Variants in PKNOX1 observed in about 807,000 individuals in gnomAD.
PKNOX1 encodes PBX/knotted 1 homeobox 1, also known as homeobox protein PKNOX1.
PKNOX1 carries 15 observed loss-of-function variants against 51.9 expected under a neutral mutation model. The observed-to-expected ratio is 0.29, with a 90% confidence interval of 0.19 to 0.45. PKNOX1 has a LOEUF of 0.45. Among genes scored for constraint, PKNOX1 ranks in the 20% least tolerant of loss-of-function variants. PKNOX1 has a pLI of 1.00. For missense variants in PKNOX1, 462 were observed against 547.5 expected (o/e 0.84, Z 1.56); for synonymous variants, 219 against 211.1 (o/e 1.04, Z -0.32).
chr21:43,011,159 C>T (rs550520714), intron 4 of PKNOX1, among the ~76,000 whole-genome samples: 1 of 151,594 alleles, frequency 6.6e-6, no homozygotes, highest in East Asian at 2.0e-4. Flanking sequence ...GCTCCGCCTC[C>T]CAGGTTCAAG....
intron 1 of PKNOX1, among the ~76,000 whole-genome samples, chr21:42,987,296 C>T (rs2401151): frequency 0.89 from 131,334 of 146,822 alleles, 58,852 homozygotes; most frequent in Non-Finnish European, 0.91. Flanking sequence ...GCAGGAGAAT[C>T]GCTTGAACCT....
rs9325621 is a variant in PKNOX1 at position 43,030,260 on chromosome 21, A to AGT, written c.*191_*192dup. The AGT allele has an allele frequency of 2.7e-3, 1,236 of 457,668 alleles. No homozygotes were observed. Among genetic ancestry groups the AGT allele is most frequent in the East Asian group, 9.9e-3 (285 of 28,844 alleles). 28.4% of individuals were successfully genotyped at this position (457,668 alleles called of 1,614,324 possible). A position where few individuals can be genotyped will look rare whatever the true frequency, so the allele number is the denominator to read the frequency against. ...TTTGCCGGTGCAGCGACTTCTTTCA[A>AGT]GTGTGTGTGTGTGTGTGTGTGTGTG... On this transcript the variant is annotated 3_prime_UTR_variant, in exon 11 of 11. Coordinates refer to ENST00000291547, the MANE Select transcript of PKNOX1 (RefSeq NM_004571.5).
intron 9 of PKNOX1, among the ~76,000 whole-genome samples, chr21:43,025,274 T>A (rs573627038): frequency 1.2e-4 from 18 of 152,192 alleles, no homozygotes; most frequent in Admixed American, 5.2e-4. Context: ...CAATACCTCA[T>A]TATGGACTGC....
At chr21:42,980,126 G>A (rs1181862212) in intron 1 of PKNOX1, among the ~76,000 whole-genome samples, 2 of 152,028 alleles carry the variant, frequency 1.3e-5, no homozygotes, top group African/African-American at 4.8e-5. Context: ...TAATCCTAGC[G>A]CTTTGGGAGG....
intron 8 of PKNOX1, among the ~76,000 whole-genome samples, chr21:43,023,835 T>C (rs1440178734): frequency 2.6e-5 from 4 of 151,990 alleles, no homozygotes; most frequent in Admixed American, 1.3e-4. Flanking sequence ...AGGATGGTCT[T>C]GATCTCCTGA....
At chr21:43,002,265 G>A (rs1369773422) in intron 1 of PKNOX1, among the ~76,000 whole-genome samples, 1 of 152,118 alleles carries the variant, frequency 6.6e-6, no homozygotes, top group African/African-American at 2.4e-5. Context: ...GAGTTTTAAT[G>A]GGGGTGTCTG....
intron 5 of PKNOX1, among the ~76,000 whole-genome samples, chr21:43,013,711 C>G (rs1474240945): frequency 6.6e-6 from 1 of 152,134 alleles, no homozygotes; most frequent in Non-Finnish European, 1.5e-5. Context: ...TTCCCCCTCC[C>G]CTAGCCCCTG....
chr21:43,032,313 C>T lies in PKNOX1; in HGVS notation c.*2212C>T, dbSNP rs1396977574. ...CATGAAAGCCAGCCAGCCCTTCCTC[C>T]TTCCCTCACCACCCTCCGTCTCTTC... is the stretch of plus-strand genomic sequence containing the variant. On this transcript the variant is annotated 3_prime_UTR_variant, in exon 11 of 11. Transcript: ENST00000291547. 2.3e-6 allele frequency: 1 copy of T among 432,328 alleles called. No homozygotes were observed. Among genetic ancestry groups the T allele is most frequent in the East Asian group, 7.1e-5 (1 of 14,108 alleles). 26.8% of individuals were successfully genotyped at this position (432,328 alleles called of 1,614,324 possible).
chr21:42,998,791 TC>T (rs1978617658), intron 1 of PKNOX1, among the ~76,000 whole-genome samples: 1 of 152,214 alleles, frequency 6.6e-6, no homozygotes, highest in Non-Finnish European at 1.5e-5. Context: ...CCTGGGCATC[TC>T]CGCCCCTGTG....
chr21:42,978,999 A>G (rs1322049594), intron 1 of PKNOX1, among the ~76,000 whole-genome samples: 1 of 152,178 alleles, frequency 6.6e-6, no homozygotes. Context: ...TCTTGGGCTA[A>G]AGTGGTTCTC....
chr21:43,013,348 C>T (rs777408937), intron 5 of PKNOX1, 110 bp downstream of exon 5: 3 of 809,376 alleles, frequency 3.7e-6, no homozygotes, highest in Non-Finnish European at 5.6e-6. Context: ...TTATGACTTT[C>T]TACAAGAAGG....
chr21:42,983,923 T>C (rs2059038814), intron 1 of PKNOX1, among the ~76,000 whole-genome samples: 1 of 152,220 alleles, frequency 6.6e-6, no homozygotes, highest in African/African-American at 2.4e-5. Flanking sequence ...GGTGGCATCT[T>C]ACTGTCATTT....
intron 1 of PKNOX1, among the ~76,000 whole-genome samples, chr21:42,980,736 T>C (rs532972359): frequency 1.6e-4 from 25 of 152,340 alleles, no homozygotes; most frequent in African/African-American, 6.0e-4. Context: ...GCTGTGGCTC[T>C]GGTAATTCAT....
chr21:42,989,544 G>A (rs1338754204), intron 1 of PKNOX1, among the ~76,000 whole-genome samples: 2 of 151,860 alleles, frequency 1.3e-5, no homozygotes, highest in East Asian at 1.9e-4. Context: ...TCAGCCTCCC[G>A]AGTAGCTGGG....
chr21:43,011,943 A>G (rs777778851), intron 4 of PKNOX1, among the ~76,000 whole-genome samples: 3 of 152,076 alleles, frequency 2.0e-5, no homozygotes, highest in Admixed American at 2.0e-4. Context: ...ATTGGCCCAC[A>G]CCTGGCTTGG....
intron 1 of PKNOX1, among the ~76,000 whole-genome samples, chr21:43,000,893 A>AG (rs753917764): frequency 8.5e-5 from 13 of 152,108 alleles, no homozygotes; most frequent in Non-Finnish European, 1.6e-4. Flanking sequence ...TAAAAAAGGG[A>AG]GAAAAAAAGA....
In PKNOX1 at chr21:42,991,747, C is replaced by A. The variant is rs955070321; in HGVS notation, c.-56-12579C>A. Among the ~76,000 whole-genome samples, 7 of 143,116 alleles carry A rather than the reference C, an allele frequency of 4.9e-5. No homozygotes were observed. The South Asian group carries it at 6.7e-4, about 14-fold the overall frequency. The allele number at this position is 143,116 out of a possible 152,430, so 93.9% of individuals were successfully genotyped here. A position where few individuals can be genotyped will look rare whatever the true frequency, so the allele number is the denominator to read the frequency against. On this transcript the variant is annotated intron_variant, in intron 1 of 10. Transcript: ENST00000291547. ...AGACTCCGTCTCAAAAAAAAAAAAA[C>A]AAACCAAAAAAACAAATTGTATTGT...
chr21:43,032,539 C>T lies in PKNOX1; in HGVS notation c.*2438C>T, dbSNP rs1236524202. The stretch of plus-strand genomic sequence containing the variant: ...AGTCTGAGGCAGAGGATGGCATGTG[C>T]CAGGAGTTTGAGGCTGCAGTGCACT... On this transcript the variant is annotated 3_prime_UTR_variant, in exon 11 of 11. Transcript: ENST00000291547. 4.7e-6 allele frequency: 1 copy of T among 213,250 alleles called. No individual in the cohort carries two copies. The highest frequency in any genetic ancestry group is 1.1e-4 in the East Asian group (1 of 8,698). 13.2% of individuals were successfully genotyped at this position (213,250 alleles called of 1,614,324 possible). A position where few individuals can be genotyped will look rare whatever the true frequency, so the allele number is the denominator to read the frequency against.
chr21:42,987,400 A>T (rs1210130797), intron 1 of PKNOX1, among the ~76,000 whole-genome samples: 801 of 70,854 alleles, frequency 0.011, 6 homozygotes, highest in African/African-American at 0.038. Context: ...AAAAAAAAAA[A>T]AAAAATATAT....
Sources: gnomAD v4.1 joint callset for allele counts (sites outside exome capture counted in the v4.1 genomes callset) on GRCh38, gnomAD v4.1.1 for gene constraint, MANE v1.5 for transcripts, NCBI Gene and HGNC (gene_info 2026-07-23, HGNC 2026-07-21) for gene names.